CAMKK2: variants seen among roughly 807,000 people sequenced by gnomAD.
The protein encoded by CAMKK2 is calcium/calmodulin-dependent protein kinase kinase 2.
A neutral mutation model predicts 67.2 loss-of-function variants in CAMKK2; 30 were observed. That is an observed-to-expected ratio of 0.45 (90% CI 0.33 to 0.61). CAMKK2 has a LOEUF of 0.61. Among genes scored for constraint, CAMKK2 ranks in the 20% least tolerant of loss-of-function variants. The pLI is 0.02. For missense variants in CAMKK2, 643 were observed against 802.0 expected (o/e 0.80, Z 2.39); for synonymous variants, 322 against 326.2 (o/e 0.99, Z 0.14).
chr12:121,251,407 A>T (rs1890684590), intron 11 of CAMKK2, among the ~76,000 whole-genome samples: 1 of 152,202 alleles, frequency 6.6e-6, no homozygotes, highest in African/African-American at 2.4e-5. Flanking sequence ...GGCAATCGGT[A>T]TAAACTCCTT....
chr12:121,250,193 C>T (rs779624050), intron 11 of CAMKK2, among the ~76,000 whole-genome samples, 159 bp from the exon 12 acceptor site: 2 of 151,654 alleles, frequency 1.3e-5, no homozygotes, highest in African/African-American at 2.4e-5. Flanking sequence ...CGAGAATGGC[C>T]AAGACACAGG....
chr12:121,275,398 C>T (rs1388060966), intron 1 of CAMKK2, among the ~76,000 whole-genome samples: 2 of 149,110 alleles, frequency 1.3e-5, no homozygotes, highest in African/African-American at 2.5e-5. Flanking sequence ...GCAGGAGAAT[C>T]GCTGGAATCC....
intron 1 of CAMKK2, among the ~76,000 whole-genome samples, chr12:121,288,226 G>GA: frequency 6.6e-6 from 1 of 152,286 alleles, no homozygotes; most frequent in African/African-American, 2.4e-5. Context: ...TAATGAACAA[G>GA]AAAAAGACTT....
At chr12:121,243,846 A>C (rs1888863673) in intron 16 of CAMKK2, 3 of 1,324,008 alleles carry the variant, frequency 2.3e-6, no homozygotes, top group Non-Finnish European at 2.9e-6. Context: ...TAAGAAACAG[A>C]AGTGACTGCC....
At chr12:121,265,753 G>A (rs1241200166) in intron 5 of CAMKK2, among the ~76,000 whole-genome samples, 1 of 151,924 alleles carries the variant, frequency 6.6e-6, no homozygotes, top group African/African-American at 2.4e-5. Context: ...AGCTACTTGG[G>A]AGCCTGAGGC....
At chr12:121,244,268 A>C in intron 16 of CAMKK2, 1 of 832,418 alleles carries the variant, frequency 1.2e-6, no homozygotes, top group Non-Finnish European at 1.9e-6. Context: ...CTTCAACACC[A>C]TTGACGTGCA....
chr12:121,290,802 G>C (rs80110794), intron 1 of CAMKK2, among the ~76,000 whole-genome samples: 4,405 of 152,182 alleles, frequency 0.029, 167 homozygotes, highest in East Asian at 0.14. Context: ...CAATGGGTTT[G>C]TTTTGTTGTT....
chr12:121,264,086 C>T (rs1419023692), intron 5 of CAMKK2, 147 bp from the exon 6 acceptor site: 10 of 687,850 alleles, frequency 1.5e-5, no homozygotes, highest in Non-Finnish European at 2.1e-5. Context: ...CTTTAACTAA[C>T]CCTCTACTCC....
At chr12:121,279,978 G>A (rs145574122) in intron 1 of CAMKK2, among the ~76,000 whole-genome samples, 81 of 152,354 alleles carry the variant, frequency 5.3e-4, no homozygotes, top group East Asian at 1.2e-3. Context: ...TCCCGAGCCC[G>A]GACACACCTG....
At chr12:121,292,002 G>A (rs1026104068) in intron 1 of CAMKK2, among the ~76,000 whole-genome samples, 1 of 151,922 alleles carries the variant, frequency 6.6e-6, no homozygotes, top group Non-Finnish European at 1.5e-5. Context: ...GTTGCAGTGA[G>A]CCGAGATCAC....
At chr12:121,297,776 G>T, upstream of CAMKK2, 1 of 477,528 alleles carries the variant, frequency 2.1e-6, no homozygotes, top group Non-Finnish European at 4.2e-6. Context: ...TTTCCAGCCC[G>T]TTCCGATGTG....
rs757669782 is a variant in CAMKK2, at chr12:121,248,693, C to A, written c.1365G>T (p.Pro455=). 1.2e-6 allele frequency: 2 copies of A among 1,614,192 alleles called. No homozygotes were observed. Among genetic ancestry groups the A allele is most frequent in the East Asian group, 4.5e-5 (2 of 44,884 alleles). ...CCAGCGTGCAGTTCTCATCCTCCGACGGCAACGGCTCCGCCCCATGCCTCG... is the reference window on the plus strand; with the variant it reads ...CCAGCGTGCAGTTCTCATCCTCCGAAGGCAACGGCTCCGCCCCATGCCTCG... ...WVTRHGAEPL[P]SEDENCTLVE... The change falls in exon 14 of 17, where the codon CCG becomes CCT. Residue 455 remains proline (P), a synonymous_variant. Coordinates refer to ENST00000404169, the MANE Select transcript of CAMKK2 (RefSeq NM_001270485.2).
At chr12:121,270,998 G>C in intron 2 of CAMKK2, 53 bp from the exon 3 acceptor site, 2 of 1,462,900 alleles carry the variant, frequency 1.4e-6, no homozygotes, top group Non-Finnish European at 1.9e-6. Context: ...TGCAACTAGA[G>C]GCCAGGCACG....
chr12:121,294,884 T>C (rs1182816921), intron 1 of CAMKK2, among the ~76,000 whole-genome samples: 2 of 152,168 alleles, frequency 1.3e-5, no homozygotes, highest in African/African-American at 2.4e-5. Context: ...TTATTATTAT[T>C]GTCCAGGGCC....
chr12:121,291,067 G>A (rs770869153), intron 1 of CAMKK2, among the ~76,000 whole-genome samples: 12 of 152,180 alleles, frequency 7.9e-5, no homozygotes, highest in South Asian at 2.1e-4. Flanking sequence ...TGATCCACCC[G>A]CCTTGGCCTC....
At chr12:121,286,760 G>A (rs1427458117) in intron 1 of CAMKK2, among the ~76,000 whole-genome samples, 1 of 152,182 alleles carries the variant, frequency 6.6e-6, no homozygotes, top group Non-Finnish European at 1.5e-5. Context: ...CTGAGGCACA[G>A]AGAGCCTGGC....
intron 1 of CAMKK2, among the ~76,000 whole-genome samples, chr12:121,284,828 G>A (rs1989037504): frequency 6.6e-6 from 1 of 152,214 alleles, no homozygotes; most frequent in Non-Finnish European, 1.5e-5. Flanking sequence ...GTGCTTGGAG[G>A]AGAAATGCAC....
chr12:121,249,715 G>C (rs762516119), intron 13 of CAMKK2, 72 bp downstream of exon 13: 23 of 1,208,304 alleles, frequency 1.9e-5, no homozygotes, highest in Non-Finnish European at 2.7e-5. Context: ...GGACACAAGG[G>C]TGTGGGGTCT....
chr12:121,274,080 G>A lies in CAMKK2; in HGVS notation c.447C>T (p.His149=). The A allele has an allele frequency of 1.3e-6, 2 of 1,518,974 alleles. No individual in the cohort carries two copies. The highest frequency in any genetic ancestry group is 1.8e-6 in the Non-Finnish European group (2 of 1,133,250). The allele number at this position is 1,518,974 out of a possible 1,614,324, so 94.1% of individuals were successfully genotyped here. The change falls in exon 2 of 17, where the codon CAC becomes CAT. Residue 149 remains histidine, a synonymous_variant. Transcript: ENST00000404169. ...CCTGCATACCCGTGATGGAGACGTG[G>A]TGAGACTCCACTGTCGGCCGCCGGG... is the stretch of plus-strand genomic sequence containing the variant. The part of the protein sequence containing the change: ...RLPRRPTVES[H]HVSITGMQDC...
Sources: allele counts gnomAD v4.1 joint callset (sites outside exome capture counted in the v4.1 genomes callset), GRCh38; gene constraint gnomAD v4.1.1; transcripts MANE v1.5; gene names NCBI Gene and HGNC (gene_info 2026-07-23, HGNC 2026-07-21).